Variants in LINGO2 observed in about 807,000 individuals in gnomAD.
LINGO2 encodes leucine-rich repeat and immunoglobulin-like domain-containing nogo receptor-interacting protein 2.
LINGO2 carries 14 observed loss-of-function variants against 30.6 expected under a neutral mutation model. The ratio of observed to expected loss-of-function variants is 0.46; its 90% CI spans 0.30 to 0.72. LINGO2 has a LOEUF of 0.72. Ranked by LOEUF, LINGO2 falls within the 30% of genes least tolerant of loss-of-function variation. The pLI is 0.07. For missense variants in LINGO2, 729 were observed against 751.7 expected, an observed-to-expected ratio of 0.97 and a Z score of 0.35; for synonymous variants, 317 against 288.5, an observed-to-expected ratio of 1.10 and a Z score of -1.00.
chr9:29,024,899 G>A, the LINGO2 span, among the ~76,000 whole-genome samples: 1 of 152,016 alleles, frequency 6.6e-6, no homozygotes. Flanking sequence ...ACACTTTATT[G>A]CTGCCTTTAG....
chr9:29,150,139 C>T, the LINGO2 span, among the ~76,000 whole-genome samples: 2 of 152,188 alleles, frequency 1.3e-5, no homozygotes. Context: ...TACAGGATAG[C>T]AGCCCAAATC....
At chr9:28,139,749 AT>A (rs1163728125) in intron 4 of LINGO2, among the ~76,000 whole-genome samples, 3 of 152,234 alleles carry the variant, frequency 2.0e-5, no homozygotes, top group Non-Finnish European at 4.4e-5. Context: ...AATAAAAAAA[AT>A]AAGGGAAAAT....
At chr9:28,261,595 A>G (rs1257923462) in intron 4 of LINGO2, among the ~76,000 whole-genome samples, 1 of 151,904 alleles carries the variant, frequency 6.6e-6, no homozygotes, top group East Asian at 1.9e-4. Flanking sequence ...TTAAAATGAA[A>G]CTAAAGAGTT....
chr9:28,349,623 C>T (rs969204900), intron 3 of LINGO2, among the ~76,000 whole-genome samples: 5 of 138,952 alleles, frequency 3.6e-5, no homozygotes, highest in African/African-American at 8.1e-5. Context: ...GGCAGGACAA[C>T]GTTCAGATTC....
the LINGO2 span, among the ~76,000 whole-genome samples, chr9:29,090,742 G>A: frequency 6.6e-6 from 1 of 151,412 alleles, no homozygotes; most frequent in African/African-American, 2.4e-5. Flanking sequence ...AACATTTAAT[G>A]GAATCTAAAG....
At chr9:28,092,364 C>T (rs1826117505) in intron 4 of LINGO2, among the ~76,000 whole-genome samples, 1 of 151,856 alleles carries the variant, frequency 6.6e-6, no homozygotes, top group South Asian at 2.1e-4. Context: ...TACTATGCAG[C>T]CATAAAAAAT....
chr9:28,786,574 T>C, the LINGO2 span, among the ~76,000 whole-genome samples: 4 of 152,298 alleles, frequency 2.6e-5, no homozygotes, highest in African/African-American at 4.8e-5. Flanking sequence ...CTTTTCACTA[T>C]ACCAATAAGA....
At chr9:29,189,463 C>T in the LINGO2 span, among the ~76,000 whole-genome samples, 1 of 151,622 alleles carries the variant, frequency 6.6e-6, no homozygotes, top group Admixed American at 6.6e-5. Context: ...GGGGTCGCGC[C>T]GGGCAGAGGC....
At chr9:28,316,901 A>G (rs1403148988) in intron 3 of LINGO2, among the ~76,000 whole-genome samples, 1 of 152,168 alleles carries the variant, frequency 6.6e-6, no homozygotes, top group African/African-American at 2.4e-5. Context: ...CAGAAAGCTC[A>G]ATCTCCATTT....
the LINGO2 span, among the ~76,000 whole-genome samples, chr9:28,725,004 C>T: frequency 1.3e-5 from 2 of 151,308 alleles, no homozygotes; most frequent in Non-Finnish European, 3.0e-5. Flanking sequence ...TGAAGATAAA[C>T]AGAAAAAAAG....
chr9:29,039,689 T>C, the LINGO2 span, among the ~76,000 whole-genome samples: 1 of 152,132 alleles, frequency 6.6e-6, no homozygotes, highest in African/African-American at 2.4e-5. Flanking sequence ...GACTTGCAGG[T>C]TCACTTCCCA....
At chr9:28,487,921 T>C (rs1826236146) in intron 1 of LINGO2, among the ~76,000 whole-genome samples, 1 of 152,198 alleles carries the variant, frequency 6.6e-6, no homozygotes, top group Admixed American at 6.6e-5. Context: ...TGACCCATAA[T>C]GTATAGATCA....
At chr9:28,448,956 G>T (rs923817449) in intron 2 of LINGO2, among the ~76,000 whole-genome samples, 1 of 151,652 alleles carries the variant, frequency 6.6e-6, no homozygotes, top group Non-Finnish European at 1.5e-5. Flanking sequence ...ATAGTGAAGG[G>T]CCATAAGTAT....
At chr9:28,711,754 G>A in the LINGO2 span, among the ~76,000 whole-genome samples, 1 of 152,036 alleles carries the variant, frequency 6.6e-6, no homozygotes, top group Non-Finnish European at 1.5e-5. Context: ...AATAAAAACA[G>A]CCCCAATATA....
chr9:28,928,062 T>A, the LINGO2 span, among the ~76,000 whole-genome samples: 1 of 152,272 alleles, frequency 6.6e-6, no homozygotes, highest in Admixed American at 6.5e-5. Context: ...AGGTATTCTC[T>A]ATTTTTGAAT....
intron 1 of LINGO2, among the ~76,000 whole-genome samples, chr9:28,506,935 A>G (rs1278229408): frequency 6.6e-6 from 1 of 152,056 alleles, no homozygotes; most frequent in Non-Finnish European, 1.5e-5. Context: ...TTATTTTCCT[A>G]CATTACTATA....
chr9:29,120,388 G>C, the LINGO2 span, among the ~76,000 whole-genome samples: 5 of 144,574 alleles, frequency 3.5e-5, no homozygotes, highest in African/African-American at 5.8e-5. Flanking sequence ...AACCAAAAAC[G>C]GGTCTAAGAA....
intron 4 of LINGO2, among the ~76,000 whole-genome samples, chr9:28,195,071 A>G (rs1273439551): frequency 6.6e-6 from 1 of 152,032 alleles, no homozygotes; most frequent in East Asian, 1.9e-4. Flanking sequence ...AACAACAGAA[A>G]TGTAAACATT....
the LINGO2 span, among the ~76,000 whole-genome samples, chr9:28,847,791 C>T: frequency 0.071 from 3,076 of 43,320 alleles, 334 homozygotes; most frequent in African/African-American, 0.2. Context: ...TATATATACA[C>T]ATATATGTAT....
Sources: gnomAD v4.1 joint callset for allele counts (sites outside exome capture counted in the v4.1 genomes callset) on GRCh38, gnomAD v4.1.1 for gene constraint, MANE v1.5 for transcripts, NCBI Gene and HGNC (gene_info 2026-07-23, HGNC 2026-07-21) for gene names.